Variants in ERC1 observed in about 807,000 individuals in gnomAD.
ERC1 encodes the protein ELKS/RAB6-interacting/CAST family member 1, also known as RAB6 interacting protein 2.
ERC1 carries 56 observed loss-of-function variants against 132.0 expected under a neutral mutation model. That is an observed-to-expected ratio of 0.42 (90% confidence interval 0.34 to 0.53). The LOEUF (loss-of-function observed/expected upper bound fraction) is 0.53, where lower values mean the gene tolerates loss of function less well. Among genes scored for constraint, ERC1 ranks in the 20% least tolerant of loss-of-function variants. The probability of loss-of-function intolerance (pLI) is 0.03; values close to 1 mark genes in which losing one functional copy is unlikely to be tolerated. For missense variants in ERC1, 1,202 were observed against 1,349.9 expected (o/e 0.89, Z 1.72); for synonymous variants, 478 against 476.1 (o/e 1.00, Z -0.05).
chr12:1,280,283 TC>T (rs748840750), intron 14 of ERC1, among the ~76,000 whole-genome samples: 3 of 152,182 alleles, frequency 2.0e-5, no homozygotes, highest in Admixed American at 6.5e-5. Flanking sequence ...GGCTGTGTCT[TC>T]CTGGATGTTT....
intron 1 of ERC1, among the ~76,000 whole-genome samples, chr12:1,018,486 G>A (rs995199749): frequency 1.1e-4 from 17 of 152,028 alleles, no homozygotes; most frequent in African/African-American, 3.9e-4. Context: ...AAGTGCTGGG[G>A]TTACAGGCGT....
chr12:1,022,597 C>T (rs1024170043), intron 1 of ERC1, among the ~76,000 whole-genome samples: 1 of 152,028 alleles, frequency 6.6e-6, no homozygotes, highest in African/African-American at 2.4e-5. Flanking sequence ...TGTGGAGGGA[C>T]CTGGTGGTAG....
chr12:1,229,861 G>A (rs926635694), intron 12 of ERC1, among the ~76,000 whole-genome samples: 1 of 151,602 alleles, frequency 6.6e-6, no homozygotes, highest in African/African-American at 2.4e-5. Flanking sequence ...CTATTTTTTT[G>A]AGGTGTAAGG....
chr12:1,017,505 T>C (rs935285433), intron 1 of ERC1, among the ~76,000 whole-genome samples: 1 of 150,484 alleles, frequency 6.6e-6, no homozygotes, highest in Non-Finnish European at 1.5e-5. Context: ...ATTTTTTTTT[T>C]TTTTTTTTTT....
At chr12:1,255,621 CTTTTT>C (rs757949030) in intron 13 of ERC1, among the ~76,000 whole-genome samples, 11 of 61,556 alleles carry the variant, frequency 1.8e-4, no homozygotes, top group South Asian at 5.8e-4. Context: ...GCTTCCTGGC[CTTTTT>C]TTTTTTTTTT....
intron 15 of ERC1, among the ~76,000 whole-genome samples, chr12:1,358,216 CAAA>C (rs546951526): frequency 1.6e-5 from 1 of 61,742 alleles, no homozygotes. Flanking sequence ...CTTGTCTGTT[CAAA>C]AAAAAAAAAA....
intron 8 of ERC1, among the ~76,000 whole-genome samples, chr12:1,177,359 A>G (rs903026840): frequency 8.5e-5 from 13 of 152,064 alleles, no homozygotes; most frequent in South Asian, 2.1e-4. Flanking sequence ...AATCTTTTTT[A>G]CTTTTCAAAC....
chr12:1,137,801 C>T (rs79718128), intron 7 of ERC1, among the ~76,000 whole-genome samples: 11,317 of 150,414 alleles, frequency 0.075, 531 homozygotes, highest in Middle Eastern at 0.14. Context: ...TACAGTGAGC[C>T]GAGATTGCGC....
At chr12:1,080,004 A>G (rs892678811) in intron 2 of ERC1, among the ~76,000 whole-genome samples, 4 of 152,250 alleles carry the variant, frequency 2.6e-5, no homozygotes, top group Non-Finnish European at 4.4e-5. Context: ...TCCCAAGAAA[A>G]ATGTGGATTC....
intron 15 of ERC1, among the ~76,000 whole-genome samples, chr12:1,327,894 G>A (rs1412396560): frequency 2.6e-5 from 4 of 151,050 alleles, no homozygotes; most frequent in Admixed American, 2.6e-4. Flanking sequence ...AAGAAATGTC[G>A]TTTACTCAGT....
chr12:1,039,967 A>G (rs184621021), intron 2 of ERC1, among the ~76,000 whole-genome samples: 22 of 152,354 alleles, frequency 1.4e-4, no homozygotes, highest in African/African-American at 5.3e-4. Flanking sequence ...TTTGTTTGAC[A>G]GCAGATACCT....
In ERC1 at chr12:1,436,606, G is replaced by A. The variant is rs566813246; in HGVS notation, c.3025-7956G>A. Among the ~76,000 whole-genome samples, 14 of 152,254 alleles carry A rather than the reference G, an allele frequency of 9.2e-5. No individual in the cohort carries two copies. In the East Asian group the frequency reaches 1.2e-3, roughly 13 times the overall value. ...GTATTGTTGTTTTTCAGATCCATCC[G>A]TCTAGCAGACATGTGATAATGCCAA... On this transcript the variant is annotated intron_variant, in intron 17 of 18. Coordinates refer to ENST00000360905, the MANE Select transcript of ERC1 (RefSeq NM_178040.4).
chr12:1,083,124 G>T (rs762765671), intron 2 of ERC1, 40 bp from the exon 3 acceptor site: 1 of 1,551,360 alleles, frequency 6.4e-7, no homozygotes, highest in Non-Finnish European at 8.7e-7. Context: ...ACTTGAGGAG[G>T]AAAGCTGATT....
intron 8 of ERC1, among the ~76,000 whole-genome samples, chr12:1,154,213 GTATGTATATGTA>G (rs140140472): frequency 0.017 from 2,396 of 142,962 alleles, 44 homozygotes; most frequent in East Asian, 0.091. Context: ...GTGTGTGTGT[GTATGTATATGTA>G]TATGTATATG....
chr12:1,177,574 A>G (rs992180975), intron 8 of ERC1, among the ~76,000 whole-genome samples: 4 of 152,196 alleles, frequency 2.6e-5, no homozygotes, highest in African/African-American at 9.7e-5. Flanking sequence ...CAGTCAGAAC[A>G]CATGCAACAT....
At chr12:1,407,535 T>A (rs977900356) in intron 16 of ERC1, among the ~76,000 whole-genome samples, 1 of 152,150 alleles carries the variant, frequency 6.6e-6, no homozygotes, top group Non-Finnish European at 1.5e-5. Context: ...TTTTATTTTT[T>A]ATTTTTTTAA....
At chr12:1,290,050 A>G (rs1266098983) in intron 15 of ERC1, 38 bp downstream of exon 15, 1 of 1,575,762 alleles carries the variant, frequency 6.3e-7, no homozygotes, top group South Asian at 1.1e-5. Context: ...GCATATGCTT[A>G]GTGGAAATAC....
At chr12:1,038,183 A>G (rs1969469578) in intron 2 of ERC1, among the ~76,000 whole-genome samples, 1 of 152,116 alleles carries the variant, frequency 6.6e-6, no homozygotes, top group South Asian at 2.1e-4. Flanking sequence ...GCCCTAAGTC[A>G]TTGAACTCTT....
intron 4 of ERC1, among the ~76,000 whole-genome samples, chr12:1,108,556 A>G (rs1378262908): frequency 6.6e-6 from 1 of 152,158 alleles, no homozygotes; most frequent in Admixed American, 6.5e-5. Flanking sequence ...CTAGTATTTT[A>G]GTCTTTTTTA....
Sources: gnomAD v4.1 joint callset for allele counts (sites outside exome capture counted in the v4.1 genomes callset) on GRCh38, gnomAD v4.1.1 for gene constraint, MANE v1.5 for transcripts, NCBI Gene and HGNC (gene_info 2026-07-23, HGNC 2026-07-21) for gene names.